Variants in GPT2 observed in about 807,000 individuals in gnomAD.
The protein encoded by GPT2 is alanine aminotransferase 2.
A neutral mutation model predicts 56.9 loss-of-function variants in GPT2; 30 were observed. That is an observed-to-expected ratio of 0.53 (90% CI 0.39 to 0.72). The LOEUF is 0.72. GPT2 is among the 30% of genes least tolerant of loss of function. The probability of loss-of-function intolerance (pLI) is 0.00; values close to 1 mark genes in which losing one functional copy is unlikely to be tolerated. For synonymous variants in GPT2, 271 were observed against 283.1 expected (o/e 0.96, Z 0.43); for missense variants, 542 against 703.4 (o/e 0.77, Z 2.60).
chr16:46,918,942 A>G (rs898176400), intron 8 of GPT2, among the ~76,000 whole-genome samples, 185 bp downstream of exon 8: 1 of 152,198 alleles, frequency 6.6e-6, no homozygotes, highest in African/African-American at 2.4e-5. Context: ...CAGGGGCTCA[A>G]ATAAGGGCGT....
chr16:46,885,522 C>T lies in GPT2; in HGVS notation c.243+564C>T, dbSNP rs140556620. The T allele has an allele frequency of 4.2e-4, 409 of 985,344 alleles. 2 individuals carry two copies. The East Asian group carries it at 0.011, about 26-fold the overall frequency. 61.0% of individuals were successfully genotyped at this position (985,344 alleles called of 1,614,324 possible). A position where few individuals can be genotyped will look rare whatever the true frequency, so the allele number is the denominator to read the frequency against. On this transcript the variant is annotated intron_variant, in intron 2 of 11. Coordinates refer to ENST00000340124, the MANE Select transcript of GPT2 (RefSeq NM_133443.4). The stretch of plus-strand genomic sequence containing the variant: ...AGTCGGCAGAATTCCTTCCTTTAGG[C>T]CCCTCTGGAGCCTTGGCCGACCAGC...
intron 2 of GPT2, among the ~76,000 whole-genome samples, chr16:46,892,041 A>G (rs1488685048): frequency 6.6e-6 from 1 of 152,162 alleles, no homozygotes; most frequent in African/African-American, 2.4e-5. Flanking sequence ...TACAACTGAA[A>G]GTTTGTACCC....
At chr16:46,928,325 C>T (rs1961458410) in intron 11 of GPT2, among the ~76,000 whole-genome samples, 1 of 150,224 alleles carries the variant, frequency 6.7e-6, no homozygotes, top group South Asian at 2.1e-4. Flanking sequence ...GAGACCCTAT[C>T]TCCAAAAAAA....
chr16:46,895,520 G>T (rs1408126150), intron 2 of GPT2, among the ~76,000 whole-genome samples: 1 of 151,442 alleles, frequency 6.6e-6, no homozygotes, highest in African/African-American at 2.4e-5. Flanking sequence ...GGGAAACCCT[G>T]TCTCAAAAAA....
intron 6 of GPT2, among the ~76,000 whole-genome samples, chr16:46,912,388 G>T (rs1411165609): frequency 6.6e-6 from 1 of 152,176 alleles, no homozygotes; most frequent in African/African-American, 2.4e-5. Flanking sequence ...ATTGCCATCA[G>T]CTGAGCTGCC....
chr16:46,898,540 GTTTTGT>G (rs943451197), intron 3 of GPT2, among the ~76,000 whole-genome samples: 2 of 152,034 alleles, frequency 1.3e-5, no homozygotes, highest in Admixed American at 6.6e-5. Context: ...TTTTATTTAG[GTTTTGT>G]TTTTGTTTTT....
At chr16:46,925,776 A>G (rs1961394214) in intron 10 of GPT2, among the ~76,000 whole-genome samples, 1 of 152,082 alleles carries the variant, frequency 6.6e-6, no homozygotes, top group African/African-American at 2.4e-5. Flanking sequence ...GTGAGCTGTG[A>G]TCATGCTACT....
chr16:46,920,604 G>C (rs927746521), intron 8 of GPT2, among the ~76,000 whole-genome samples: 1 of 152,234 alleles, frequency 6.6e-6, no homozygotes, highest in African/African-American at 2.4e-5. Flanking sequence ...GAGGGCTCTT[G>C]GTTGTTAGGC....
chr16:46,927,045 T>A lies in GPT2; in HGVS notation c.1481+8T>A, dbSNP rs1961431089. On this transcript the variant is annotated splice_region_variant and intron_variant, in intron 11 of 11. Transcript: ENST00000340124. The stretch of plus-strand genomic sequence containing the variant: ...AGGCACTTACCACTTCAGGTATGAC[T>A]TCCTCTCCGCACTAGGGGCTGGTCC... 6.4e-7 allele frequency: 1 copy of A among 1,555,412 alleles called. No individual in the cohort carries two copies. Among genetic ancestry groups the A allele is most frequent in the Non-Finnish European group, 8.7e-7 (1 of 1,142,922 alleles).
At chr16:46,903,826 G>A (rs1056868744) in intron 4 of GPT2, among the ~76,000 whole-genome samples, 1 of 152,106 alleles carries the variant, frequency 6.6e-6, no homozygotes, top group Non-Finnish European at 1.5e-5. Context: ...ATCAGATTTG[G>A]GAGAAACAAA....
chr16:46,923,565 C>G (rs941578254), intron 9 of GPT2, among the ~76,000 whole-genome samples: 1 of 152,234 alleles, frequency 6.6e-6, no homozygotes, highest in African/African-American at 2.4e-5. Context: ...TGTCGTGATT[C>G]CAGGCTGAAC....
chr16:46,903,117 C>T (rs1219040145), intron 4 of GPT2, among the ~76,000 whole-genome samples: 1 of 151,528 alleles, frequency 6.6e-6, no homozygotes, highest in Non-Finnish European at 1.5e-5. Flanking sequence ...GGCATTATGG[C>T]GGGTGCCTGT....
chr16:46,897,614 C>T (rs774260348), intron 2 of GPT2, 34 bp from the exon 3 acceptor site: 3 of 1,600,448 alleles, frequency 1.9e-6, no homozygotes, highest in East Asian at 2.2e-5. Context: ...TTAAGAGTTT[C>T]TAAGTAACCA....
At chr16:46,928,616 C>CAAA (rs551688670) in intron 11 of GPT2, among the ~76,000 whole-genome samples, 2 of 101,248 alleles carry the variant, frequency 2.0e-5, no homozygotes. Context: ...AATTCCATCT[C>CAAA]AAAAAAAAAA....
At chr16:46,917,980 G>A (rs980033997) in intron 7 of GPT2, among the ~76,000 whole-genome samples, 3 of 152,154 alleles carry the variant, frequency 2.0e-5, no homozygotes, top group African/African-American at 2.4e-5. Flanking sequence ...TTGACCCTCC[G>A]ACTGATCCCC....
At chr16:46,893,937 C>A (rs1453660705) in intron 2 of GPT2, among the ~76,000 whole-genome samples, 1 of 152,194 alleles carries the variant, frequency 6.6e-6, no homozygotes, top group East Asian at 1.9e-4. Flanking sequence ...ACCAGTCACT[C>A]TGGGAGTCTA....
intron 8 of GPT2, 62 bp from the exon 9 acceptor site, chr16:46,922,180 A>G: frequency 1.3e-6 from 2 of 1,542,230 alleles, no homozygotes; most frequent in South Asian, 1.2e-5. Flanking sequence ...TGGCTGTCCA[A>G]ATGGCACTTT....
In GPT2 at chr16:46,930,484, C is replaced by T. The variant is rs1961522132; in HGVS notation, c.*1487C>T. 1 of 152,206 alleles carries T rather than the reference C, an allele frequency of 6.6e-6. No homozygotes were observed. Among genetic ancestry groups the T allele is most frequent in the South Asian group, 2.1e-4 (1 of 4,830 alleles). The allele number at this position is 152,206 out of a possible 1,614,324, so 9.4% of individuals were successfully genotyped here. On this transcript the variant is annotated 3_prime_UTR_variant, in exon 12 of 12. Coordinates refer to ENST00000340124, the MANE Select transcript of GPT2 (RefSeq NM_133443.4). ...CGGGTCCGTGCAGAGGAAACAGAAA[C>T]TCCCAACTGTCCTTACCCACCGACA...
intron 4 of GPT2, among the ~76,000 whole-genome samples, chr16:46,906,569 A>C (rs1960930503): frequency 6.6e-6 from 1 of 152,144 alleles, no homozygotes; most frequent in South Asian, 2.1e-4. Context: ...TGTAACGCAT[A>C]GTAGGTACTC....
Sources: gnomAD v4.1 joint callset for allele counts (sites outside exome capture counted in the v4.1 genomes callset) on GRCh38, gnomAD v4.1.1 for gene constraint, MANE v1.5 for transcripts, NCBI Gene and HGNC (gene_info 2026-07-23, HGNC 2026-07-21) for gene names.